CCDC91: variants seen among roughly 807,000 people sequenced by gnomAD.
The protein encoded by CCDC91 is coiled-coil domain-containing protein 91.
A neutral mutation model predicts 63.2 loss-of-function variants in CCDC91; 48 were observed. That is an observed-to-expected ratio of 0.76 (90% CI 0.60 to 0.97). The LOEUF is 0.97. Ranked by LOEUF, CCDC91 falls within the 50% of genes least tolerant of loss-of-function variation. CCDC91 has a pLI of 0.00. For missense variants in CCDC91, 500 were observed against 494.6 expected (o/e 1.01, Z -0.10); for synonymous variants, 167 against 165.8 (o/e 1.01, Z -0.06).
chr12:28,455,557 A>G (rs1950018002), intron 11 of CCDC91, among the ~76,000 whole-genome samples: 1 of 152,110 alleles, frequency 6.6e-6, no homozygotes, highest in Non-Finnish European at 1.5e-5. Flanking sequence ...AAGCTGACAG[A>G]TCATTATCTG....
intron 8 of CCDC91, among the ~76,000 whole-genome samples, chr12:28,430,060 G>A (rs867957801): frequency 6.6e-6 from 1 of 151,804 alleles, no homozygotes; most frequent in Non-Finnish European, 1.5e-5. Context: ...GTAATTTAGG[G>A]AAGACTATTA....
chr12:28,279,881 A>G (rs1948487519), intron 3 of CCDC91, among the ~76,000 whole-genome samples: 2 of 151,614 alleles, frequency 1.3e-5, no homozygotes, highest in South Asian at 4.2e-4. Flanking sequence ...ATCTCTGTGT[A>G]TATATACGAT....
chr12:28,363,955 TG>T (rs1944092998), intron 7 of CCDC91, among the ~76,000 whole-genome samples: 1 of 145,116 alleles, frequency 6.9e-6, no homozygotes, highest in Non-Finnish European at 1.5e-5. Flanking sequence ...CAGAATTAAG[TG>T]AAAAGTGTTT....
chr12:28,548,060 A>C lies in CCDC91; in HGVS notation c.1216-1003A>C, dbSNP rs1487342349. On this transcript the variant is annotated intron_variant, in intron 12 of 12. Coordinates refer to ENST00000536442, the MANE Select transcript of CCDC91 (RefSeq NM_018318.5). The stretch of plus-strand genomic sequence containing the variant: ...TATGGGCAAATTTTTTAGGGCCAAA[A>C]AGTTTGAAGCTTTTCTTCTTATATT... 2.6e-5 allele frequency among the ~76,000 whole-genome samples: 4 copies of C among 152,080 alleles called. No individual in the cohort carries two copies. The East Asian group carries it at 7.7e-4, about 29-fold the overall frequency.
At chr12:28,281,760 G>T (rs1432773614) in intron 3 of CCDC91, among the ~76,000 whole-genome samples, 1 of 152,134 alleles carries the variant, frequency 6.6e-6, no homozygotes, top group South Asian at 2.1e-4. Flanking sequence ...AAAAGGGAAT[G>T]ATTTTAACCC....
At chr12:28,212,799 A>G (rs1943318188) in intron 1 of CCDC91, among the ~76,000 whole-genome samples, 1 of 152,222 alleles carries the variant, frequency 6.6e-6, no homozygotes, top group African/African-American at 2.4e-5. Flanking sequence ...TGAAAGTTAA[A>G]TAATGGAGAA....
intron 6 of CCDC91, among the ~76,000 whole-genome samples, chr12:28,344,588 G>T (rs952301851): frequency 1.3e-5 from 2 of 152,086 alleles, no homozygotes; most frequent in African/African-American, 4.8e-5. Context: ...CCTCCCAGTT[G>T]TCATCAAAAA....
chr12:28,458,455 C>CTTTTTTT lies in CCDC91; in HGVS notation c.1101+5827_1101+5833dup, dbSNP rs60083355. On this transcript the variant is annotated intron_variant, in intron 11 of 12. Coordinates refer to ENST00000536442, the MANE Select transcript of CCDC91 (RefSeq NM_018318.5). Reference sequence around the variant, plus strand: ...TTCCCTTTTGTCCTCATTTGCACACCTTTTTTTTTTTTTTTTTTTTTTTTT... The same window carrying CTTTTTTT: ...TTCCCTTTTGTCCTCATTTGCACACCTTTTTTTTTTTTTTTTTTTTTTTTTTTTTTTT... Among the ~76,000 whole-genome samples, 455 of 45,802 alleles carry CTTTTTTT rather than the reference C, an allele frequency of 9.9e-3. 118 individuals are homozygous for CTTTTTTT. The highest frequency in any genetic ancestry group is 0.046 in the African/African-American group (414 of 9,070). 30.0% of individuals were successfully genotyped at this position (45,802 alleles called of 152,430 possible).
At chr12:28,497,844 TGTAGTTTAGA>T (rs1952390964) in intron 12 of CCDC91, among the ~76,000 whole-genome samples, 1 of 151,656 alleles carries the variant, frequency 6.6e-6, no homozygotes, top group Admixed American at 6.6e-5. Flanking sequence ...GTATTTCCTT[TGTAGTTTAGA>T]GTACTTATTC....
intron 6 of CCDC91, among the ~76,000 whole-genome samples, chr12:28,328,516 T>C (rs955732365): frequency 6.6e-6 from 1 of 152,188 alleles, no homozygotes. Flanking sequence ...AAGAGCAACA[T>C]AATAATTTGT....
At chr12:28,254,334 A>G (rs778494314) in intron 1 of CCDC91, among the ~76,000 whole-genome samples, 3 of 152,190 alleles carry the variant, frequency 2.0e-5, no homozygotes, top group African/African-American at 4.8e-5. Context: ...CAGGCTTATG[A>G]TTCTGTAACT....
chr12:28,480,140 G>T (rs972100619), intron 11 of CCDC91, among the ~76,000 whole-genome samples: 4 of 151,858 alleles, frequency 2.6e-5, no homozygotes, highest in East Asian at 3.9e-4. Context: ...CTATTTTTGC[G>T]CTCTTATACC....
chr12:28,323,014 A>G (rs1442806810), intron 6 of CCDC91, among the ~76,000 whole-genome samples: 1 of 151,128 alleles, frequency 6.6e-6, no homozygotes, highest in Non-Finnish European at 1.5e-5. Flanking sequence ...AAAAAATTCT[A>G]TTTATCTTAA....
intron 12 of CCDC91, among the ~76,000 whole-genome samples, chr12:28,526,045 C>A (rs557398554): frequency 6.6e-6 from 1 of 151,630 alleles, no homozygotes; most frequent in Non-Finnish European, 1.5e-5. Context: ...CTTATCTATT[C>A]GGCAATTTTG....
intron 1 of CCDC91, among the ~76,000 whole-genome samples, chr12:28,245,640 A>G (rs1169368580): frequency 6.6e-6 from 1 of 152,178 alleles, no homozygotes; most frequent in Non-Finnish European, 1.5e-5. Context: ...AATTAAAAAC[A>G]CAACACAGTC....
chr12:28,193,662 T>C (rs1941476236), intron 1 of CCDC91, among the ~76,000 whole-genome samples: 1 of 152,340 alleles, frequency 6.6e-6, no homozygotes, highest in Non-Finnish European at 1.5e-5. Context: ...CTGTTTCATT[T>C]TGCATTCCCG....
At chr12:28,417,444 T>G (rs1179360045) in intron 8 of CCDC91, among the ~76,000 whole-genome samples, 2 of 152,074 alleles carry the variant, frequency 1.3e-5, no homozygotes, top group Non-Finnish European at 2.9e-5. Flanking sequence ...GTGATCTGTT[T>G]TAGGTCTCAA....
At chr12:28,402,163 G>T (rs1052237723) in intron 8 of CCDC91, among the ~76,000 whole-genome samples, 1 of 152,116 alleles carries the variant, frequency 6.6e-6, no homozygotes, top group Non-Finnish European at 1.5e-5. Flanking sequence ...AACAGCATCC[G>T]TCACGTCTAC....
intron 7 of CCDC91, among the ~76,000 whole-genome samples, chr12:28,369,178 C>A (rs1021849231): frequency 6.6e-6 from 1 of 152,158 alleles, no homozygotes; most frequent in African/African-American, 2.4e-5. Flanking sequence ...CAAGGCATAT[C>A]ACTTTTGCCT....
Sources: allele counts gnomAD v4.1 joint callset (sites outside exome capture counted in the v4.1 genomes callset), GRCh38; gene constraint gnomAD v4.1.1; transcripts MANE v1.5; gene names NCBI Gene and HGNC (gene_info 2026-07-23, HGNC 2026-07-21).